Variants in RBMS1 observed in about 807,000 individuals in gnomAD.
RBMS1 encodes the protein RNA-binding motif, single-stranded-interacting protein 1.
In RBMS1, 17 loss-of-function variants were observed where a neutral mutation model predicts 62.3. The observed-to-expected ratio is 0.27, with a 90% CI of 0.19 to 0.41. The LOEUF (loss-of-function observed/expected upper bound fraction) is 0.41. Among genes scored for constraint, RBMS1 ranks in the 10% least tolerant of loss-of-function variants. The pLI, the probability that RBMS1 is intolerant of heterozygous loss-of-function variation, is 1.00. For missense variants in RBMS1, 334 were observed against 504.5 expected (o/e 0.66, Z 3.24); for synonymous variants, 172 against 170.0 (o/e 1.01, Z -0.09).
chr2:160,341,778 T>C (rs887798477), intron 2 of RBMS1, among the ~76,000 whole-genome samples: 3 of 152,182 alleles, frequency 2.0e-5, no homozygotes, highest in African/African-American at 7.2e-5. Flanking sequence ...TAATTTTATC[T>C]CACATCTCAA....
chr2:160,311,232 C>A (rs75586513), intron 4 of RBMS1, among the ~76,000 whole-genome samples: 20,448 of 77,572 alleles, frequency 0.26, 3,084 homozygotes, highest in East Asian at 0.39. Flanking sequence ...ATCTATCTAT[C>A]TATATATATA....
chr2:160,292,647 C>G (rs1307099475), intron 6 of RBMS1, among the ~76,000 whole-genome samples: 1 of 152,198 alleles, frequency 6.6e-6, no homozygotes, highest in Non-Finnish European at 1.5e-5. Flanking sequence ...AACTTCTACC[C>G]AAGAGCCTTG....
chr2:160,322,290 T>C (rs541915397), intron 2 of RBMS1, among the ~76,000 whole-genome samples: 7 of 152,346 alleles, frequency 4.6e-5, no homozygotes, highest in African/African-American at 1.7e-4. Flanking sequence ...GAAATGATTT[T>C]GAGAAACAAT....
At chr2:160,404,345 G>A (rs1172030764) in intron 1 of RBMS1, among the ~76,000 whole-genome samples, 1 of 152,128 alleles carries the variant, frequency 6.6e-6, no homozygotes, top group East Asian at 1.9e-4. Context: ...TGAGAGATGA[G>A]TACCAACCAC....
chr2:160,326,833 C>T (rs551804527), intron 2 of RBMS1, among the ~76,000 whole-genome samples: 1 of 152,252 alleles, frequency 6.6e-6, no homozygotes, highest in African/African-American at 2.4e-5. Flanking sequence ...GTCTTAAATG[C>T]TTAACTTGAC....
At chr2:160,350,897 T>C (rs62177306) in intron 2 of RBMS1, among the ~76,000 whole-genome samples, 11,669 of 152,240 alleles carry the variant, frequency 0.077, 635 homozygotes, top group South Asian at 0.19. Context: ...TCAAATGGTA[T>C]TTCTATTTCT....
At chr2:160,465,449 A>C (rs759660289) in intron 1 of RBMS1, among the ~76,000 whole-genome samples, 33 of 152,170 alleles carry the variant, frequency 2.2e-4, no homozygotes, top group Non-Finnish European at 4.4e-4. Flanking sequence ...TTGATAAAAG[A>C]AGCACCGCTT....
chr2:160,352,977 AT>A (rs1422324693), intron 2 of RBMS1, among the ~76,000 whole-genome samples: 2 of 152,154 alleles, frequency 1.3e-5, no homozygotes, highest in Non-Finnish European at 2.9e-5. Flanking sequence ...ATTAAGATTA[AT>A]TCAAGGGGAT....
Position 160,278,576 on chromosome 2 carries a change from C to T in RBMS1, c.1034G>A (p.Ser345Asn), listed in dbSNP as rs758196854. Residue 345 changes from serine (S) to asparagine (N), a missense_variant, in exon 11 of 14, where the codon AGT (serine) becomes AAT (asparagine). Physicochemically the swap from Ser to Asn is conservative, Grantham distance 46. Coordinates refer to ENST00000348849, the MANE Select transcript of RBMS1 (RefSeq NM_016836.4). ...TCCGGTGCTGCCTAGTGACAGATGACTCATCTGCTGGGCCAGAGGGCTGAT... is the reference window on the plus strand; with the variant it reads ...TCCGGTGCTGCCTAGTGACAGATGATTCATCTGCTGGGCCAGAGGGCTGAT... ...SMISPLAQQM[S>N]HLSLGSTGTY... 6.1e-5 allele frequency: 98 copies of T among 1,613,264 alleles called. 1 individual carries two copies. The South Asian group carries it at 9.2e-4, about 15-fold the overall frequency.
At chr2:160,354,056 A>C (rs1305801068) in intron 2 of RBMS1, among the ~76,000 whole-genome samples, 1 of 152,124 alleles carries the variant, frequency 6.6e-6, no homozygotes. Flanking sequence ...AGTGCCTGTT[A>C]TGCTGTTTCT....
At chr2:160,288,129 T>C (rs1009690899) in intron 6 of RBMS1, among the ~76,000 whole-genome samples, 11 of 151,946 alleles carry the variant, frequency 7.2e-5, no homozygotes, top group Non-Finnish European at 1.2e-4. Flanking sequence ...GAAATAGCAG[T>C]GTATTCCAGA....
chr2:160,419,344 C>A (rs1278806795), intron 1 of RBMS1, among the ~76,000 whole-genome samples: 1 of 152,038 alleles, frequency 6.6e-6, no homozygotes, highest in Non-Finnish European at 1.5e-5. Context: ...GCCTGTTTGG[C>A]CCTTTATTTT....
Position 160,389,368 on chromosome 2 carries a change from T to C in RBMS1, c.76-21977A>G, listed in dbSNP as rs576337954. ...GCTCAAAGATATTAAACAATCTAGC[T>C]GGTAATGATAAACATACCTAAACAA... On this transcript the variant is annotated intron_variant, in intron 1 of 13. Transcript: ENST00000348849. Among the ~76,000 whole-genome samples the C allele has an allele frequency of 7.2e-5, 11 of 152,294 alleles. No individual in the cohort carries two copies. The South Asian group carries it at 1.7e-3, about 23-fold the overall frequency.
intron 6 of RBMS1, among the ~76,000 whole-genome samples, chr2:160,289,362 A>G (rs1688564173): frequency 6.6e-6 from 1 of 152,230 alleles, no homozygotes; most frequent in African/African-American, 2.4e-5. Flanking sequence ...GGCATTTCAT[A>G]TCTTAGGAAA....
intron 1 of RBMS1, 47 bp from the exon 2 acceptor site, chr2:160,367,438 T>A: frequency 6.3e-7 from 1 of 1,596,250 alleles, no homozygotes; most frequent in South Asian, 1.1e-5. Flanking sequence ...ATTAGGAGGC[T>A]GACACCAAAT....
chr2:160,409,822 A>T (rs1054847833), intron 1 of RBMS1, among the ~76,000 whole-genome samples: 2 of 152,236 alleles, frequency 1.3e-5, no homozygotes, highest in East Asian at 3.8e-4. Flanking sequence ...TACACTCTGC[A>T]ATAGTTTTAT....
chr2:160,326,771 G>T (rs1405718550), intron 2 of RBMS1, among the ~76,000 whole-genome samples: 1 of 152,172 alleles, frequency 6.6e-6, no homozygotes, highest in African/African-American at 2.4e-5. Flanking sequence ...GGGGTGAATG[G>T]AAAGGCTCTA....
intron 1 of RBMS1, among the ~76,000 whole-genome samples, chr2:160,451,439 TA>T (rs1683987641): frequency 6.6e-6 from 1 of 152,112 alleles, no homozygotes; most frequent in Admixed American, 6.6e-5. Context: ...GTATTTCCTT[TA>T]CAATGTACAA....
At position 160,468,121 on chromosome 2, in the gene RBMS1, C is replaced by T. The variant is rs562749696; in HGVS notation, c.75+25168G>A. 3.9e-5 allele frequency among the ~76,000 whole-genome samples: 6 copies of T among 152,256 alleles called. No individual in the cohort carries two copies. In the South Asian group the frequency reaches 1.0e-3, roughly 26 times the overall value. Reference sequence around the variant, plus strand: ...CCATCAAATGTAAGACACACCCCAACTTCAGGGATGTTAAAGAATGGGGAG... The same window carrying T: ...CCATCAAATGTAAGACACACCCCAATTTCAGGGATGTTAAAGAATGGGGAG... On this transcript the variant is annotated intron_variant, in intron 1 of 13. Coordinates refer to ENST00000348849, the MANE Select transcript of RBMS1 (RefSeq NM_016836.4).
Sources: gnomAD v4.1 joint callset for allele counts (sites outside exome capture counted in the v4.1 genomes callset) on GRCh38, gnomAD v4.1.1 for gene constraint, MANE v1.5 for transcripts, NCBI Gene and HGNC (gene_info 2026-07-23, HGNC 2026-07-21) for gene names.